Variants in SGO2 observed in about 807,000 individuals in gnomAD.
The protein encoded by SGO2 is shugoshin-like 2.
SGO2 carries 68 observed loss-of-function variants against 99.5 expected under a neutral mutation model. The observed-to-expected ratio is 0.68, with a 90% CI of 0.56 to 0.84. SGO2 has a LOEUF of 0.84. Ranked by LOEUF, SGO2 falls within the 40% of genes least tolerant of loss-of-function variation. The probability of loss-of-function intolerance (pLI) is 0.00; values close to 1 mark genes in which losing one functional copy is unlikely to be tolerated. For missense variants in SGO2, 1,350 were observed against 1,436.7 expected, an observed-to-expected ratio of 0.94 and a Z score of 0.97; for synonymous variants, 457 against 487.1, an observed-to-expected ratio of 0.94 and a Z score of 0.81.
Position 200,572,374 on chromosome 2 carries a change from T to C in SGO2, c.2028T>C (p.Asp676=), listed in dbSNP as rs2033463527. The C allele has an allele frequency of 6.2e-7, 1 of 1,613,278 alleles. No individual in the cohort carries two copies. Among genetic ancestry groups the C allele is most frequent in the Non-Finnish European group, 8.5e-7 (1 of 1,179,570 alleles). ...AAATCCCAGCTCTTTCTACTAGAGA[T>C]AATGAAAATCAATGTGACTATAGGA... The part of the protein sequence containing the change: ...ELQIPALSTR[D]NENQCDYRTQ... The change falls in exon 7 of 9, where the codon GAT becomes GAC. Residue 676 remains aspartate, a synonymous_variant. Transcript: ENST00000357799.
chr2:200,577,361 T>A lies in SGO2; in HGVS notation c.3782+1900T>A, dbSNP rs1045784043. On this transcript the variant is annotated intron_variant, in intron 8 of 8. Coordinates refer to ENST00000357799, the MANE Select transcript of SGO2 (RefSeq NM_152524.6). Reference sequence around the variant, plus strand: ...AATGCCTGTTGAGATCCTTTGCCCATTTTTCAGTTGGGTCATTTGCCTTTT... The same window carrying A: ...AATGCCTGTTGAGATCCTTTGCCCAATTTTCAGTTGGGTCATTTGCCTTTT... 5.9e-5 allele frequency among the ~76,000 whole-genome samples: 9 copies of A among 152,196 alleles called. 1 individual carries two copies. The highest frequency in any genetic ancestry group is 1.2e-4 in the African/African-American group (5 of 41,456).
At chr2:200,579,978 ATT>A (rs1384883530) in intron 8 of SGO2, among the ~76,000 whole-genome samples, 1 of 152,090 alleles carries the variant, frequency 6.6e-6, no homozygotes, top group African/African-American at 2.4e-5. Flanking sequence ...TACTTATATA[ATT>A]TTAGAACAGT....
Position 200,583,582 on chromosome 2 carries a change from CT to C in SGO2, c.*121del. ...AAGGTTTTTTTTTTGTTTCTTTGGC[CT>C]TTCATGGAGTGTTGATTTGTCCATT... On this transcript the variant is annotated 3_prime_UTR_variant, in exon 9 of 9. Coordinates refer to ENST00000357799, the MANE Select transcript of SGO2 (RefSeq NM_152524.6). 1 of 848,428 alleles carries C rather than the reference CT, an allele frequency of 1.2e-6. No homozygotes were observed. 52.6% of individuals were successfully genotyped at this position (848,428 alleles called of 1,614,324 possible).
At chr2:200,528,319 A>C (rs1487420598) in intron 1 of SGO2, among the ~76,000 whole-genome samples, 1 of 152,216 alleles carries the variant, frequency 6.6e-6, no homozygotes, top group African/African-American at 2.4e-5. Context: ...CCATTCACGT[A>C]GCTATAGCAA....
At chr2:200,542,511 G>A in intron 4 of SGO2, 68 bp from the exon 5 acceptor site, 1 of 1,158,366 alleles carries the variant, frequency 8.6e-7, no homozygotes, top group South Asian at 1.4e-5. Context: ...GTATAATTTG[G>A]TACTGTGATA....
At chr2:200,559,950 G>A (rs2032875697) in intron 5 of SGO2, among the ~76,000 whole-genome samples, 1 of 152,090 alleles carries the variant, frequency 6.6e-6, no homozygotes, top group Non-Finnish European at 1.5e-5. Flanking sequence ...ATTTCATTAG[G>A]ACAAAGCTTG....
chr2:200,556,696 T>C (rs975718235), intron 5 of SGO2, among the ~76,000 whole-genome samples: 2 of 152,228 alleles, frequency 1.3e-5, no homozygotes, highest in African/African-American at 4.8e-5. Flanking sequence ...GCTACAGCAT[T>C]GGGCAGTTTC....
intron 4 of SGO2, among the ~76,000 whole-genome samples, chr2:200,536,871 T>C (rs1449256476): frequency 6.6e-6 from 1 of 152,134 alleles, no homozygotes; most frequent in Non-Finnish European, 1.5e-5. Context: ...TCACACATGC[T>C]TTTGTCCGCC....
Position 200,570,220 on chromosome 2 carries a change from T to C in SGO2, c.703+328T>C. On this transcript the variant is annotated intron_variant, in intron 6 of 8. Coordinates refer to ENST00000357799, the MANE Select transcript of SGO2 (RefSeq NM_152524.6). The surrounding 1 kb of genome is among the most constrained non-coding windows in gnomAD (Gnocchi z 4.4). The stretch of plus-strand genomic sequence containing the variant: ...GTTTTACCCTCTTTTTTTGTAGATA[T>C]GAAAATTGGGGGCCTAGATAGGTAT... 1 of 287,860 alleles carries C rather than the reference T, an allele frequency of 3.5e-6. No homozygotes were observed. Among genetic ancestry groups the C allele is most frequent in the East Asian group, 5.8e-5 (1 of 17,240 alleles). The allele number at this position is 287,860 out of a possible 1,614,324, so 17.8% of individuals were successfully genotyped here.
intron 5 of SGO2, among the ~76,000 whole-genome samples, chr2:200,546,203 A>G (rs1013132184): frequency 6.6e-6 from 1 of 150,946 alleles, no homozygotes; most frequent in African/African-American, 2.4e-5. Flanking sequence ...AATACAAAAA[A>G]TTAGCCAGGC....
At chr2:200,581,554 C>T (rs183776384) in intron 8 of SGO2, among the ~76,000 whole-genome samples, 1 of 152,238 alleles carries the variant, frequency 6.6e-6, no homozygotes, top group African/African-American at 2.4e-5. Flanking sequence ...TTCCTGATAA[C>T]TCCTACCACT....
intron 5 of SGO2, among the ~76,000 whole-genome samples, chr2:200,567,574 T>G (rs970564959): frequency 6.6e-6 from 1 of 152,174 alleles, no homozygotes; most frequent in African/African-American, 2.4e-5. Flanking sequence ...AATATTTCAA[T>G]CTCTAAAAGG....
rs765865821 is a variant in SGO2 at position 200,572,665 on chromosome 2, T to C, written c.2319T>C (p.Asp773=). The C allele has an allele frequency of 5.0e-6, 8 of 1,612,096 alleles. No individual in the cohort carries two copies. The highest frequency in any genetic ancestry group is 4.4e-5 in the South Asian group (4 of 90,628). The change falls in exon 7 of 9, where the codon GAT becomes GAC. Residue 773 remains aspartate, a synonymous_variant. Transcript: ENST00000357799. ...AAACACCTGCTCTTTCTACCAAAGATAGTGGAAACCTGTATGATTCTGAGA... is the reference window on the plus strand; with the variant it reads ...AAACACCTGCTCTTTCTACCAAAGACAGTGGAAACCTGTATGATTCTGAGA... ...EFETPALSTK[D]SGNLYDSEIQ... is the part of the protein sequence containing the mutation.
At chr2:200,545,381 C>CT (rs2032166009) in intron 5 of SGO2, among the ~76,000 whole-genome samples, 2 of 152,198 alleles carry the variant, frequency 1.3e-5, no homozygotes, top group African/African-American at 4.8e-5. Flanking sequence ...ACCAGTAGCT[C>CT]TTTATGAAAT....
At chr2:200,558,260 T>C (rs184415723) in intron 5 of SGO2, among the ~76,000 whole-genome samples, 26 of 152,348 alleles carry the variant, frequency 1.7e-4, no homozygotes, top group African/African-American at 6.3e-4. Context: ...ATATGATGTC[T>C]GCTCTTGGGT....
chr2:200,569,350 CTGTT>C (rs1402618587), intron 5 of SGO2, among the ~76,000 whole-genome samples: 2 of 151,998 alleles, frequency 1.3e-5, no homozygotes, highest in Non-Finnish European at 1.5e-5. Context: ...TTATACATGG[CTGTT>C]TGTAAGTACA....
intron 7 of SGO2, among the ~76,000 whole-genome samples, chr2:200,574,529 A>T (rs1008761334): frequency 1.3e-5 from 2 of 152,124 alleles, no homozygotes; most frequent in African/African-American, 4.8e-5. Context: ...TATTATGCTA[A>T]GGGATATAAT....
At chr2:200,552,518 G>A (rs773071240) in intron 5 of SGO2, among the ~76,000 whole-genome samples, 1 of 152,164 alleles carries the variant, frequency 6.6e-6, no homozygotes, top group Non-Finnish European at 1.5e-5. Context: ...GCGAAACAAG[G>A]GGTGGATTAT....
intron 8 of SGO2, chr2:200,576,196 G>A: frequency 1.3e-5 from 3 of 233,222 alleles, no homozygotes; most frequent in South Asian, 4.4e-5. Flanking sequence ...AATTAAAAGT[G>A]AAATTAAGGA....
Sources: allele counts gnomAD v4.1 joint callset (sites outside exome capture counted in the v4.1 genomes callset), GRCh38; gene constraint gnomAD v4.1.1; non-coding constraint Gnocchi (gnomAD v3.1); transcripts MANE v1.5; gene names NCBI Gene and HGNC (gene_info 2026-07-23, HGNC 2026-07-21).